The following SRGAP1 variants were observed in gnomAD, a reference collection of about 807,000 sequenced individuals.
SRGAP1 encodes the protein SLIT-ROBO Rho GTPase activating protein 1, also known as SLIT-ROBO Rho GTPase-activating protein 1.
A neutral mutation model predicts 121.9 loss-of-function variants in SRGAP1; 43 were observed. The observed-to-expected ratio is 0.35, with a 90% CI of 0.28 to 0.46. The LOEUF is 0.46. Ranked by LOEUF, SRGAP1 falls within the 20% of genes least tolerant of loss-of-function variation. The probability of loss-of-function intolerance (pLI) is 1.00; values close to 1 mark genes in which losing one functional copy is unlikely to be tolerated. For missense variants in SRGAP1, 1,102 were observed against 1,350.9 expected, an observed-to-expected ratio of 0.82 and a Z score of 2.89; for synonymous variants, 447 against 485.4, an observed-to-expected ratio of 0.92 and a Z score of 1.04.
In SRGAP1 at chr12:64,020,843, C is replaced by CAAAA. The variant is rs34144761; in HGVS notation, c.489+3847_489+3850dup. Among the ~76,000 whole-genome samples the CAAAA allele has an allele frequency of 8.7e-3, 612 of 69,974 alleles. 11 individuals carry two copies. Among genetic ancestry groups the CAAAA allele is most frequent in the African/African-American group, 0.031 (567 of 18,582 alleles). 45.9% of individuals were successfully genotyped at this position (69,974 alleles called of 152,430 possible). Reference sequence around the variant, plus strand: ...GGGTGACAAGAGTGAGACTCCGTCTCAAAAAAAAAAAAAAAAAAAGAAAAG... The same window carrying CAAAA: ...GGGTGACAAGAGTGAGACTCCGTCTCAAAAAAAAAAAAAAAAAAAAAAAGAAAAG... On this transcript the variant is annotated intron_variant, in intron 4 of 21. Transcript: ENST00000355086.
At chr12:64,115,419 C>G (rs1340681778) in intron 17 of SRGAP1, among the ~76,000 whole-genome samples, 1 of 152,014 alleles carries the variant, frequency 6.6e-6, no homozygotes, top group Non-Finnish European at 1.5e-5. Flanking sequence ...CTCTTTTGTC[C>G]TTATAGAGTC....
intron 1 of SRGAP1, among the ~76,000 whole-genome samples, chr12:63,947,334 CTG>C (rs771904781): frequency 2.6e-5 from 4 of 152,182 alleles, no homozygotes; most frequent in Non-Finnish European, 5.9e-5. Flanking sequence ...AATCTAGTGA[CTG>C]TGTATTGGTA....
chr12:63,934,145 C>T (rs994785118), intron 1 of SRGAP1, among the ~76,000 whole-genome samples: 5 of 152,170 alleles, frequency 3.3e-5, no homozygotes, highest in African/African-American at 1.2e-4. Flanking sequence ...CAAGGAGACT[C>T]TTCCTACTTA....
At chr12:63,984,655 A>G (rs924163383) in intron 2 of SRGAP1, among the ~76,000 whole-genome samples, 2 of 152,198 alleles carry the variant, frequency 1.3e-5, no homozygotes, top group Admixed American at 1.3e-4. Context: ...AAGTTTAATT[A>G]TGATTTATTT....
intron 1 of SRGAP1, among the ~76,000 whole-genome samples, chr12:63,959,977 T>C (rs2032589651): frequency 6.6e-6 from 1 of 152,198 alleles, no homozygotes; most frequent in Admixed American, 6.5e-5. Context: ...CATTATCCCC[T>C]TTTAACTCAG....
intron 6 of SRGAP1, among the ~76,000 whole-genome samples, chr12:64,057,693 G>T (rs945645572): frequency 6.6e-6 from 1 of 152,084 alleles, no homozygotes; most frequent in Non-Finnish European, 1.5e-5. Context: ...TAAGACCCAG[G>T]ACATGAGATC....
chr12:63,866,734 CTTT>C (rs748317160), intron 1 of SRGAP1, among the ~76,000 whole-genome samples: 1 of 137,440 alleles, frequency 7.3e-6, no homozygotes, highest in Admixed American at 7.3e-5. Context: ...TTTTTTTTTT[CTTT>C]TTTTTTTTGC....
rs2037146299 is a variant in SRGAP1, at chr12:64,154,174, A to T, written c.*11502A>T. On this transcript the variant is annotated 3_prime_UTR_variant, in exon 22 of 22. Coordinates refer to ENST00000355086, the MANE Select transcript of SRGAP1 (RefSeq NM_020762.4). The stretch of plus-strand genomic sequence containing the variant: ...AAATGGAAATTGTTGTTCAGTGTTT[A>T]CAGGGTTTCAGTTTTGCAAGATAAA... 6.6e-6 allele frequency: 1 copy of T among 152,240 alleles called. No homozygotes were observed. The highest frequency in any genetic ancestry group is 1.5e-5 in the Non-Finnish European group (1 of 68,036). The allele number at this position is 152,240 out of a possible 1,614,324, so 9.4% of individuals were successfully genotyped here.
rs1199349354 is a variant in SRGAP1 at position 64,143,239 on chromosome 12, G to A, written c.*567G>A. 2 of 153,446 alleles carry A rather than the reference G, an allele frequency of 1.3e-5. No homozygotes were observed. Among genetic ancestry groups the A allele is most frequent in the Non-Finnish European group, 2.9e-5 (2 of 68,922 alleles). 9.5% of individuals were successfully genotyped at this position (153,446 alleles called of 1,614,324 possible). ...AGCCCACAGCTCGAGTGGGTTGGATGCTTGCCTCTTTCCTAACAGTTATTT... is the reference window on the plus strand; with the variant it reads ...AGCCCACAGCTCGAGTGGGTTGGATACTTGCCTCTTTCCTAACAGTTATTT... On this transcript the variant is annotated 3_prime_UTR_variant, in exon 22 of 22. Transcript: ENST00000355086.
At chr12:63,974,376 A>G (rs1025932831) in intron 1 of SRGAP1, among the ~76,000 whole-genome samples, 2 of 152,186 alleles carry the variant, frequency 1.3e-5, no homozygotes, top group South Asian at 4.1e-4. Context: ...TGAGGTTAAC[A>G]TCATTACAAA....
At chr12:63,950,582 C>G (rs2032254864) in intron 1 of SRGAP1, among the ~76,000 whole-genome samples, 1 of 152,088 alleles carries the variant, frequency 6.6e-6, no homozygotes, top group Non-Finnish European at 1.5e-5. Context: ...CAGAGTGGCA[C>G]TTTGGGGCAA....
intron 20 of SRGAP1, 26 bp downstream of exon 20, chr12:64,127,750 C>T (rs765423818): frequency 6.2e-7 from 1 of 1,612,312 alleles, no homozygotes; most frequent in African/African-American, 1.3e-5. Flanking sequence ...GAATCAGGCC[C>T]CTAAGCCTCC....
At chr12:64,011,893 A>T (rs1347967428) in intron 3 of SRGAP1, among the ~76,000 whole-genome samples, 1 of 152,094 alleles carries the variant, frequency 6.6e-6, no homozygotes, top group Non-Finnish European at 1.5e-5. Context: ...AGGCAGGCAG[A>T]TCACTTGAGC....
Position 63,844,705 on chromosome 12 carries a change from C to A in SRGAP1, c.-112C>A. On this transcript the variant is annotated 5_prime_UTR_variant, in exon 1 of 22. It adds an upstream start codon to the 5' untranslated region. Coordinates refer to ENST00000355086, the MANE Select transcript of SRGAP1 (RefSeq NM_020762.4). This position sits in a 1 kb window ranked among gnomAD's most constrained non-coding sequence, Gnocchi z 4.3. The stretch of plus-strand genomic sequence containing the variant: ...CCTCCTCCCTTCCCTCGGGTCGGCG[C>A]TGCCTCTGGATTGCCTGCGTGTGGG... 1 of 1,020,742 alleles carries A rather than the reference C, an allele frequency of 9.8e-7. No individual in the cohort carries two copies. Among genetic ancestry groups the A allele is most frequent in the Non-Finnish European group, 1.6e-6 (1 of 639,040 alleles). The allele number at this position is 1,020,742 out of a possible 1,614,324, so 63.2% of individuals were successfully genotyped here.
At chr12:63,977,054 T>C (rs2033113830) in intron 1 of SRGAP1, among the ~76,000 whole-genome samples, 1 of 152,182 alleles carries the variant, frequency 6.6e-6, no homozygotes, top group Non-Finnish European at 1.5e-5. Flanking sequence ...AAGCTCACTT[T>C]TATGGAATTT....
intron 4 of SRGAP1, among the ~76,000 whole-genome samples, chr12:64,036,726 C>T (rs189618480): frequency 3.9e-5 from 6 of 151,990 alleles, no homozygotes; most frequent in South Asian, 2.1e-4. Context: ...TTTTGGAAGC[C>T]GAGGATAGAA....
intron 4 of SRGAP1, among the ~76,000 whole-genome samples, chr12:64,025,338 G>A (rs1336982625): frequency 6.6e-6 from 1 of 152,092 alleles, no homozygotes; most frequent in East Asian, 1.9e-4. Context: ...CCCAAGGCAA[G>A]GTTGAAAAGT....
chr12:63,855,828 G>A (rs1899229938), intron 1 of SRGAP1, among the ~76,000 whole-genome samples: 1 of 151,982 alleles, frequency 6.6e-6, no homozygotes, highest in African/African-American at 2.4e-5. Flanking sequence ...ATTTTTGTGG[G>A]TACACAGTAG....
At position 63,865,973 on chromosome 12, in the gene SRGAP1, A is replaced by G. The variant is rs113941711; in HGVS notation, c.67+21090A>G. 2.6e-5 allele frequency among the ~76,000 whole-genome samples: 4 copies of G among 152,152 alleles called. 1 individual carries two copies. Among genetic ancestry groups the G allele is most frequent in the African/African-American group, 9.6e-5 (4 of 41,524 alleles). ...CGTTGTCGGTTGTGGTATAAAATCC[A>G]CTTTTCGTTGCATGTCAACATCCGA... On this transcript the variant is annotated intron_variant, in intron 1 of 21. Coordinates refer to ENST00000355086, the MANE Select transcript of SRGAP1 (RefSeq NM_020762.4).
Sources: allele counts gnomAD v4.1 joint callset (sites outside exome capture counted in the v4.1 genomes callset), GRCh38; gene constraint gnomAD v4.1.1; non-coding constraint Gnocchi (gnomAD v3.1); transcripts MANE v1.5; gene names NCBI Gene and HGNC (gene_info 2026-07-23, HGNC 2026-07-21).